SLC25A46: variants seen among roughly 807,000 people sequenced by gnomAD.
The protein encoded by SLC25A46 is mitochondrial outer membrane protein SLC25A46.
A neutral mutation model predicts 44.6 loss-of-function variants in SLC25A46; 39 were observed. The ratio of observed to expected loss-of-function variants is 0.87; its 90% CI spans 0.68 to 1.14. SLC25A46 has a LOEUF of 1.14. Ranked by LOEUF, SLC25A46 falls within the 50% of genes most tolerant of loss-of-function variation. SLC25A46 has a pLI of 0.00. For synonymous variants in SLC25A46, 202 were observed against 185.8 expected (o/e 1.09, Z -0.71); for missense variants, 547 against 522.7 (o/e 1.05, Z -0.45).
intron 4 of SLC25A46, 86 bp from the exon 5 acceptor site, chr5:110,748,077 G>A: frequency 1.2e-6 from 1 of 836,966 alleles, no homozygotes; most frequent in Non-Finnish European, 2.0e-6. Flanking sequence ...ATTGGAAAAT[G>A]TCTACACAAT....
upstream of SLC25A46, chr5:110,738,865 CT>C: frequency 3.8e-6 from 3 of 799,214 alleles, no homozygotes; most frequent in Non-Finnish European, 5.7e-6. Flanking sequence ...ATATTCCCAC[CT>C]ATTCCCTAAC....
intron 4 of SLC25A46, among the ~76,000 whole-genome samples, chr5:110,747,060 T>C (rs1005290961): frequency 2.0e-5 from 3 of 152,240 alleles, no homozygotes; most frequent in Non-Finnish European, 1.5e-5. Flanking sequence ...TGAAGACCTT[T>C]GGATTGTTTG....
At chr5:110,748,310 GT>G in intron 5 of SLC25A46, 47 bp downstream of exon 5, 1 of 1,468,768 alleles carries the variant, frequency 6.8e-7, no homozygotes, top group Non-Finnish European at 9.5e-7. Flanking sequence ...GTGGTGATGT[GT>G]TTTTAGATGC....
intron 7 of SLC25A46, among the ~76,000 whole-genome samples, chr5:110,757,496 C>G (rs1306365542): frequency 1.3e-5 from 2 of 152,120 alleles, no homozygotes; most frequent in African/African-American, 2.4e-5. Flanking sequence ...TGAGTGCCCT[C>G]TCTGTAAAAA....
intron 4 of SLC25A46, among the ~76,000 whole-genome samples, chr5:110,746,737 T>C (rs1799829529): frequency 6.6e-6 from 1 of 152,206 alleles, no homozygotes; most frequent in African/African-American, 2.4e-5. Flanking sequence ...GGAAAAACTT[T>C]GGGAAAAGAA....
intron 5 of SLC25A46, chr5:110,753,369 A>G (rs1800019679): frequency 6.7e-6 from 1 of 149,794 alleles, no homozygotes; most frequent in Non-Finnish European, 1.5e-5. Context: ...GCTGAGACAG[A>G]GTTATTTTAG....
chr5:110,739,017 C>G lies in SLC25A46; in HGVS notation c.-103C>G, dbSNP rs1306116708. 1.0e-5 allele frequency: 15 copies of G among 1,484,120 alleles called. No homozygotes were observed. The highest frequency in any genetic ancestry group is 7.1e-6 in the Non-Finnish European group (8 of 1,126,466). 91.9% of individuals were successfully genotyped at this position (1,484,120 alleles called of 1,614,324 possible). A position where few individuals can be genotyped will look rare whatever the true frequency, so the allele number is the denominator to read the frequency against. On this transcript the variant is annotated 5_prime_UTR_variant, in exon 1 of 8. Transcript: ENST00000355943. ...TGACTTCCGGTTGTCAGAATTTACC[C>G]CTGACGCGGCGGCGGCCGACGGGAA...
rs1235999169 is a variant in SLC25A46 at position 110,739,356 on chromosome 5, A to C, written c.237A>C (p.Glu79Asp). 1.3e-6 allele frequency: 2 copies of C among 1,561,502 alleles called. No individual in the cohort carries two copies. The highest frequency in any genetic ancestry group is 2.7e-5 in the African/African-American group (2 of 74,014). The stretch of plus-strand genomic sequence containing the variant: ...CCCCGTACGAAGGCCCCACGGAGGA[A>C]CCCTTTTCCAGTGGCGGCGGCGGCA... ...TSTPYEGPTE[E>D]PFSSGGGGSV... Residue 79 changes from glutamate to aspartate, a missense_variant, in exon 1 of 8, where the codon GAA becomes GAC. Glu to Asp is a conservative substitution (Grantham distance 45). Coordinates refer to ENST00000355943, the MANE Select transcript of SLC25A46 (RefSeq NM_138773.4).
upstream of SLC25A46, among the ~76,000 whole-genome samples, chr5:110,738,534 C>T (rs1019731032): frequency 1.3e-5 from 2 of 152,048 alleles, no homozygotes; most frequent in African/African-American, 4.8e-5. Context: ...CTGGGCGGTA[C>T]CATATCTCTC....
Position 110,739,090 on chromosome 5 carries a change from G to A in SLC25A46, c.-30G>A, listed in dbSNP as rs1315828460. On this transcript the variant is annotated 5_prime_UTR_variant, in exon 1 of 8. Transcript: ENST00000355943. ...TGGCCCCGGTGGTGGTGGGCTCCGG[G>A]CGGGCTCGCGTCATCCTGCCCCCGC... 8 of 1,539,602 alleles carry A rather than the reference G, an allele frequency of 5.2e-6. No individual in the cohort carries two copies. The highest frequency in any genetic ancestry group is 2.4e-5 in the South Asian group (2 of 83,856).
At chr5:110,743,854 A>G in intron 3 of SLC25A46, 67 bp downstream of exon 3, 2 of 1,216,668 alleles carry the variant, frequency 1.6e-6, no homozygotes, top group Non-Finnish European at 2.3e-6. Flanking sequence ...CAGAACTCAC[A>G]TAAATGACAT....
Position 110,764,861 on chromosome 5 carries a change from G to A in SLC25A46, c.*3079G>A, listed in dbSNP as rs1407844996. The A allele has an allele frequency of 2.0e-5, 3 of 151,906 alleles. No homozygotes were observed. Among genetic ancestry groups the A allele is most frequent in the Admixed American group, 6.6e-5 (1 of 15,202 alleles). The allele number at this position is 151,906 out of a possible 1,614,324, so 9.4% of individuals were successfully genotyped here. ...AACAATTGACATTGCACTAGAATTT[G>A]AATGATACTGTTGTTGGCATTTCTG... On this transcript the variant is annotated 3_prime_UTR_variant, in exon 8 of 8. Coordinates refer to ENST00000355943, the MANE Select transcript of SLC25A46 (RefSeq NM_138773.4).
intron 3 of SLC25A46, among the ~76,000 whole-genome samples, chr5:110,744,084 T>C (rs1313019250): frequency 1.3e-5 from 2 of 152,210 alleles, no homozygotes; most frequent in Admixed American, 1.3e-4. Context: ...AATATGTTTT[T>C]ATGAAAGTAA....
rs192499217 is a variant in SLC25A46, at chr5:110,755,762, G to A, written c.620+241G>A. Reference sequence around the variant, plus strand: ...AGAATCACAGACTAATTTTGTGTATGTTTTCTTAGGAAGTTAGCATAGGTC... The same window carrying A: ...AGAATCACAGACTAATTTTGTGTATATTTTCTTAGGAAGTTAGCATAGGTC... On this transcript the variant is annotated intron_variant, in intron 6 of 7. Coordinates refer to ENST00000355943, the MANE Select transcript of SLC25A46 (RefSeq NM_138773.4). 5.4e-3 allele frequency among the ~76,000 whole-genome samples: 827 copies of A among 152,152 alleles called. 8 individuals carry two copies. Among genetic ancestry groups the A allele is most frequent in the African/African-American group, 0.019 (792 of 41,546 alleles).
chr5:110,761,075 T>G lies in SLC25A46; in HGVS notation c.679-129T>G, dbSNP rs1008781887. 1.1e-5 allele frequency: 8 copies of G among 708,714 alleles called. No individual in the cohort carries two copies. The highest frequency in any genetic ancestry group is 1.9e-5 in the Non-Finnish European group (8 of 428,696). The allele number at this position is 708,714 out of a possible 1,614,324, so 43.9% of individuals were successfully genotyped here. A position where few individuals can be genotyped will look rare whatever the true frequency, so the allele number is the denominator to read the frequency against. ...TCTGATGCCTAGATAACAGTTAAAG[T>G]CTGCAAATCATGGATGTTTCCCTCT... On this transcript the variant is annotated intron_variant, in intron 7 of 7. Coordinates refer to ENST00000355943, the MANE Select transcript of SLC25A46 (RefSeq NM_138773.4). The surrounding 1 kb of genome is among the most constrained non-coding windows in gnomAD (Gnocchi z 5.3).
intron 6 of SLC25A46, 129 bp from the exon 7 acceptor site, chr5:110,756,573 A>T: frequency 1.8e-6 from 1 of 566,728 alleles, no homozygotes; most frequent in Non-Finnish European, 3.1e-6. Flanking sequence ...AGGTATTAAT[A>T]GTTGAAAACC....
At chr5:110,756,837 C>A in intron 7 of SLC25A46, 78 bp downstream of exon 7, 1 of 931,684 alleles carries the variant, frequency 1.1e-6, no homozygotes, top group Non-Finnish European at 1.5e-6. Flanking sequence ...AGATATCTAA[C>A]ATTTCAGCAG....
At chr5:110,742,560 C>A (rs1730201151) in intron 2 of SLC25A46, among the ~76,000 whole-genome samples, 1 of 151,954 alleles carries the variant, frequency 6.6e-6, no homozygotes, top group South Asian at 2.1e-4. Context: ...GATCTAGTTT[C>A]ATTTTATACC....
In SLC25A46 at chr5:110,739,322, C is replaced by T. The variant is rs763466158; in HGVS notation, c.203C>T (p.Thr68Ile). Residue 68 changes from threonine to isoleucine, a missense_variant, in exon 1 of 8, where the codon ACC becomes ATC. By Grantham distance (89) the Thr-to-Ile change is moderately conservative. Coordinates refer to ENST00000355943, the MANE Select transcript of SLC25A46 (RefSeq NM_138773.4). ...AAGAGCCCGCCCTACGGCGTGCCCACCACCTCCACCCCGTACGAAGGCCCC... is the reference window on the plus strand; with the variant it reads ...AAGAGCCCGCCCTACGGCGTGCCCATCACCTCCACCCCGTACGAAGGCCCC... ...GEKSPPYGVP[T>I]TSTPYEGPTE... is the part of the protein sequence containing the mutation. 2.9e-5 allele frequency: 46 copies of T among 1,566,784 alleles called. No homozygotes were observed. The highest frequency in any genetic ancestry group is 9.5e-5 in the Admixed American group (5 of 52,794).
Sources: gnomAD v4.1 joint callset for allele counts (sites outside exome capture counted in the v4.1 genomes callset) on GRCh38, gnomAD v4.1.1 for gene constraint, Gnocchi (gnomAD v3.1) non-coding constraint, MANE v1.5 for transcripts, NCBI Gene and HGNC (gene_info 2026-07-23, HGNC 2026-07-21) for gene names.